CCBE1: variants seen among roughly 807,000 people sequenced by gnomAD.
CCBE1 encodes the protein collagen and calcium-binding EGF domain-containing protein 1.
In CCBE1, 37 loss-of-function variants were observed where a neutral mutation model predicts 50.0. That is an observed-to-expected ratio of 0.74 (90% confidence interval 0.57 to 0.97). The LOEUF is 0.97. CCBE1 is among the 50% of genes least tolerant of loss of function. The probability of loss-of-function intolerance (pLI) is 0.00; values close to 1 mark genes in which losing one functional copy is unlikely to be tolerated. For synonymous variants in CCBE1, 234 were observed against 203.7 expected (o/e 1.15, Z -1.27); for missense variants, 538 against 523.8 (o/e 1.03, Z -0.26).
At chr18:59,596,210 G>A (rs983485230) in intron 2 of CCBE1, among the ~76,000 whole-genome samples, 5 of 152,130 alleles carry the variant, frequency 3.3e-5, no homozygotes, top group Non-Finnish European at 5.9e-5. Flanking sequence ...AACCATTTCA[G>A]TGTTTGGCAG....
intron 3 of CCBE1, among the ~76,000 whole-genome samples, chr18:59,473,670 C>T (rs1163264972): frequency 1.4e-5 from 2 of 142,230 alleles, no homozygotes; most frequent in Non-Finnish European, 1.6e-5. Context: ...TATTTCCGCC[C>T]TCCACTACTC....
At chr18:59,675,509 G>T (rs1300327126) in intron 2 of CCBE1, among the ~76,000 whole-genome samples, 5 of 152,172 alleles carry the variant, frequency 3.3e-5, no homozygotes, top group Non-Finnish European at 5.9e-5. Flanking sequence ...CCCTCTAAGT[G>T]GACAGCTCCC....
chr18:59,654,757 G>T (rs1437197061), intron 2 of CCBE1, among the ~76,000 whole-genome samples: 2 of 133,048 alleles, frequency 1.5e-5, no homozygotes, highest in Admixed American at 8.3e-5. Context: ...GTGCCACTGC[G>T]CTCCAGCCTG....
intron 2 of CCBE1, among the ~76,000 whole-genome samples, chr18:59,540,297 A>C (rs1386041063): frequency 6.6e-6 from 1 of 152,218 alleles, no homozygotes; most frequent in Non-Finnish European, 1.5e-5. Context: ...CCAACAGCTT[A>C]ATTTTCATCC....
chr18:59,598,882 G>A (rs2053391978), intron 2 of CCBE1, among the ~76,000 whole-genome samples: 1 of 152,122 alleles, frequency 6.6e-6, no homozygotes, highest in African/African-American at 2.4e-5. Flanking sequence ...CCACAGCCAT[G>A]CAACTGATAC....
chr18:59,439,873 G>A, intron 7 of CCBE1, 57 bp from the exon 8 acceptor site: 2 of 1,598,814 alleles, frequency 1.3e-6, no homozygotes, highest in Non-Finnish European at 1.7e-6. Context: ...AAAGGGCCCT[G>A]GCTAACAAGA....
chr18:59,569,421 A>G (rs1049440337), intron 2 of CCBE1, among the ~76,000 whole-genome samples: 4 of 152,204 alleles, frequency 2.6e-5, no homozygotes, highest in Admixed American at 1.3e-4. Context: ...TATCTTTTGC[A>G]TCTATTCATC....
chr18:59,633,650 A>G (rs2053879055), intron 2 of CCBE1, among the ~76,000 whole-genome samples: 1 of 152,192 alleles, frequency 6.6e-6, no homozygotes, highest in Admixed American at 6.5e-5. Context: ...AGAACTGTCT[A>G]CATTGTTAAG....
At chr18:59,647,779 G>C (rs1049086043) in intron 2 of CCBE1, among the ~76,000 whole-genome samples, 1 of 152,064 alleles carries the variant, frequency 6.6e-6, no homozygotes, top group Non-Finnish European at 1.5e-5. Context: ...TGTTTCGATG[G>C]AATAAAAATT....
intron 2 of CCBE1, among the ~76,000 whole-genome samples, chr18:59,667,023 C>T (rs750683226): frequency 6.6e-6 from 1 of 152,062 alleles, no homozygotes. Flanking sequence ...CCCATAATCC[C>T]AGTGCTTTGG....
intron 2 of CCBE1, among the ~76,000 whole-genome samples, chr18:59,691,620 G>T (rs1337946328): frequency 2.0e-5 from 3 of 152,180 alleles, no homozygotes; most frequent in Non-Finnish European, 2.9e-5. Flanking sequence ...TGGCCAGGCT[G>T]GTCTCAAACT....
intron 2 of CCBE1, among the ~76,000 whole-genome samples, chr18:59,594,290 G>A (rs555213078): frequency 1.6e-4 from 25 of 152,362 alleles, no homozygotes; most frequent in African/African-American, 5.0e-4. Flanking sequence ...ATGTTAAAAA[G>A]CATGTAGAGA....
intron 2 of CCBE1, among the ~76,000 whole-genome samples, chr18:59,589,671 T>C (rs2851866): frequency 1 from 151,683 of 151,698 alleles, 75,834 homozygotes; most frequent in Middle Eastern, 1. Context: ...TGGTGGTGGG[T>C]GCCTGTAGTC....
Position 59,645,633 on chromosome 18 carries a change from G to C in CCBE1, c.212+50996C>G, listed in dbSNP as rs940282307. Reference sequence around the variant, plus strand: ...GATTTTCCAGAGACATCATGAACTAGGACAAAAATAATCTGTAGCCAGCAC... The same window carrying C: ...GATTTTCCAGAGACATCATGAACTACGACAAAAATAATCTGTAGCCAGCAC... On this transcript the variant is annotated intron_variant, in intron 2 of 10. Transcript: ENST00000439986. 2.0e-5 allele frequency among the ~76,000 whole-genome samples: 3 copies of C among 152,108 alleles called. No individual in the cohort carries two copies. The East Asian group carries it at 5.8e-4, about 29-fold the overall frequency.
intron 2 of CCBE1, among the ~76,000 whole-genome samples, chr18:59,693,864 CTTTTTTTTTT>C (rs11410421): frequency 2.8e-5 from 2 of 70,734 alleles, no homozygotes; most frequent in Admixed American, 4.9e-4. Context: ...AAAGGAAAGC[CTTTTTTTTTT>C]TTTTTTTTTT....
chr18:59,568,697 TG>T, intron 2 of CCBE1: 1 of 152,350 alleles, frequency 6.6e-6, no homozygotes, highest in Non-Finnish European at 1.5e-5. Context: ...TTTCATCAGA[TG>T]GGCATGTGTT....
Position 59,469,587 on chromosome 18 carries a change from C to A in CCBE1, c.286G>T (p.Ala96Ser). 6.2e-7 allele frequency: 1 copy of A among 1,614,176 alleles called. No homozygotes were observed. Among genetic ancestry groups the A allele is most frequent in the Non-Finnish European group, 8.5e-7 (1 of 1,180,040 alleles). Residue 96 changes from alanine (A) to serine (S), a missense_variant, in exon 4 of 11, where the codon GCT (alanine) becomes TCT (serine). Physicochemically the swap from Ala to Ser is moderately conservative, Grantham distance 99. Coordinates refer to ENST00000439986, the MANE Select transcript of CCBE1 (RefSeq NM_133459.4). ...TCCGTGCACTGCTGTTCACAGGGAG[C>A]CTCGGCACAAACGTCGTAATCTGAA... is the stretch of plus-strand genomic sequence containing the variant. Reference protein sequence around the residue: ...IPEDYDVCAEAPCEQQCTDNF... With the variant: ...IPEDYDVCAESPCEQQCTDNF...
chr18:59,555,430 C>T (rs2052642100), intron 2 of CCBE1, among the ~76,000 whole-genome samples: 1 of 152,186 alleles, frequency 6.6e-6, no homozygotes. Context: ...TCCATCTCTG[C>T]TCCATAAGCC....
chr18:59,679,350 AT>A (rs763927044), intron 2 of CCBE1, among the ~76,000 whole-genome samples: 5 of 152,242 alleles, frequency 3.3e-5, no homozygotes, highest in African/African-American at 9.6e-5. Flanking sequence ...AGGAAAAAAA[AT>A]GTTTAATATT....
Sources: allele counts gnomAD v4.1 joint callset (sites outside exome capture counted in the v4.1 genomes callset), GRCh38; gene constraint gnomAD v4.1.1; transcripts MANE v1.5; gene names NCBI Gene and HGNC (gene_info 2026-07-23, HGNC 2026-07-21).